AFG2A: variants seen among roughly 807,000 people sequenced by gnomAD.
AFG2A encodes ATPase family gene 2 protein homolog A.
At chr4:122,923,267 C>A in the AFG2A span, 2 of 1,614,154 alleles carry the variant, frequency 1.2e-6, no homozygotes, top group Admixed American at 1.7e-5. Flanking sequence ...TTCGCGGCAA[C>A]CTCCGGGACT....
chr4:122,947,858 C>T, the AFG2A span, among the ~76,000 whole-genome samples: 1 of 152,138 alleles, frequency 6.6e-6, no homozygotes, highest in Non-Finnish European at 1.5e-5. Flanking sequence ...ATCACAACTA[C>T]AGTTGACCCT....
chr4:123,205,421 A>G, the AFG2A span, among the ~76,000 whole-genome samples: 5 of 152,156 alleles, frequency 3.3e-5, no homozygotes, highest in South Asian at 8.3e-4. Flanking sequence ...CGTGGATTCA[A>G]CGAATCAAGG....
At chr4:123,076,289 G>GT in the AFG2A span, among the ~76,000 whole-genome samples, 16 of 149,176 alleles carry the variant, frequency 1.1e-4, no homozygotes, top group South Asian at 2.1e-4. Flanking sequence ...TGCATGAAAA[G>GT]TTTTTTTTTT....
At chr4:123,206,247 T>C in the AFG2A span, among the ~76,000 whole-genome samples, 2 of 152,076 alleles carry the variant, frequency 1.3e-5, no homozygotes, top group Non-Finnish European at 2.9e-5. Context: ...ATTTGAGGAA[T>C]GTAAGTATAA....
chr4:123,216,862 G>A, the AFG2A span, among the ~76,000 whole-genome samples: 1 of 151,858 alleles, frequency 6.6e-6, no homozygotes, highest in Non-Finnish European at 1.5e-5. Flanking sequence ...AAGTGGAGGG[G>A]CTCACTTTGT....
chr4:123,175,817 AAAT>A, the AFG2A span, among the ~76,000 whole-genome samples: 26 of 152,208 alleles, frequency 1.7e-4, no homozygotes, highest in African/African-American at 5.1e-4. Context: ...CAGAGCAATA[AAAT>A]AAATGTTCAG....
At chr4:123,149,639 C>T in the AFG2A span, among the ~76,000 whole-genome samples, 1 of 152,208 alleles carries the variant, frequency 6.6e-6, no homozygotes, top group Admixed American at 6.5e-5. Flanking sequence ...AAAATGCTTA[C>T]CCAATCCCAC....
At chr4:123,283,549 T>A in the AFG2A span, among the ~76,000 whole-genome samples, 738 of 152,292 alleles carry the variant, frequency 4.8e-3, 5 homozygotes, top group African/African-American at 0.017. Context: ...TCCTATGTAA[T>A]GGGGAGTTAA....
the AFG2A span, among the ~76,000 whole-genome samples, chr4:122,946,219 G>A: frequency 1.3e-5 from 2 of 152,200 alleles, no homozygotes; most frequent in Admixed American, 6.5e-5. Flanking sequence ...CAAATATAGA[G>A]AGCTGTCTTA....
At chr4:123,272,518 A>T in the AFG2A span, among the ~76,000 whole-genome samples, 1 of 152,284 alleles carries the variant, frequency 6.6e-6, no homozygotes, top group Admixed American at 6.5e-5. Flanking sequence ...AGCAGTTTCT[A>T]TGATTCTCAG....
At chr4:123,030,316 A>T in the AFG2A span, among the ~76,000 whole-genome samples, 1 of 152,178 alleles carries the variant, frequency 6.6e-6, no homozygotes, top group Non-Finnish European at 1.5e-5. Context: ...TGCTTTCTGG[A>T]CTATCCTAGA....
chr4:123,229,538 AC>A, the AFG2A span, among the ~76,000 whole-genome samples: 1 of 151,968 alleles, frequency 6.6e-6, no homozygotes, highest in East Asian at 1.9e-4. Flanking sequence ...AAGAGTAGAC[AC>A]GAGGATAAAT....
chr4:123,077,788 C>T, the AFG2A span, among the ~76,000 whole-genome samples: 9 of 152,074 alleles, frequency 5.9e-5, no homozygotes, highest in Non-Finnish European at 1.0e-4. Flanking sequence ...TGGAGGGGGA[C>T]GTTGTTTCTT....
At chr4:123,065,085 C>T in the AFG2A span, among the ~76,000 whole-genome samples, 3 of 152,114 alleles carry the variant, frequency 2.0e-5, no homozygotes, top group Admixed American at 6.5e-5. Context: ...CTTTTTTGTT[C>T]AACTACGGTA....
chr4:123,132,806 AG>A, the AFG2A span, among the ~76,000 whole-genome samples: 1 of 124,776 alleles, frequency 8.0e-6, no homozygotes, highest in African/African-American at 3.2e-5. Context: ...TTTGAGACGG[AG>A]TCTCGCTCTG....
At chr4:123,213,860 A>T in the AFG2A span, among the ~76,000 whole-genome samples, 1 of 152,164 alleles carries the variant, frequency 6.6e-6, no homozygotes, top group Non-Finnish European at 1.5e-5. Context: ...TGACTAGACT[A>T]TTTTTGCAGA....
At chr4:123,238,844 C>G in the AFG2A span, among the ~76,000 whole-genome samples, 1 of 152,182 alleles carries the variant, frequency 6.6e-6, no homozygotes, top group African/African-American at 2.4e-5. Context: ...CTTTGACGAG[C>G]TGACAGAAGT....
At chr4:123,150,644 A>T in the AFG2A span, among the ~76,000 whole-genome samples, 1 of 152,172 alleles carries the variant, frequency 6.6e-6, no homozygotes, top group Non-Finnish European at 1.5e-5. Flanking sequence ...AAAATATCCC[A>T]TGTGCTCATG....
the AFG2A span, chr4:123,318,072 C>G: frequency 6.6e-6 from 1 of 152,096 alleles, no homozygotes; most frequent in Admixed American, 6.5e-5. Flanking sequence ...AAAAGATGGG[C>G]CTTAAACCAA....
Sources: allele counts gnomAD v4.1 joint callset (sites outside exome capture counted in the v4.1 genomes callset), GRCh38; gene constraint gnomAD v4.1.1; transcripts MANE v1.5; gene names NCBI Gene and HGNC (gene_info 2026-07-23, HGNC 2026-07-21).